The following TBPL2 variants were observed in gnomAD, a reference collection of about 807,000 sequenced individuals.
TBPL2 encodes TATA box-binding protein-like 2.
TBPL2 carries 40 observed loss-of-function variants against 38.2 expected under a neutral mutation model. The observed-to-expected ratio is 1.05, with a 90% confidence interval of 0.81 to 1.36. TBPL2 has a LOEUF of 1.36. Ranked by LOEUF, TBPL2 falls within the 40% of genes most tolerant of loss-of-function variation. The probability of loss-of-function intolerance (pLI) is 0.00; values close to 1 mark genes in which losing one functional copy is unlikely to be tolerated. For synonymous variants in TBPL2, 169 were observed against 171.7 expected, an observed-to-expected ratio of 0.98 and a Z score of 0.12; for missense variants, 461 against 456.7, an observed-to-expected ratio of 1.01 and a Z score of -0.09.
At chr14:55,435,254 T>G (rs2140179030) in intron 3 of TBPL2, among the ~76,000 whole-genome samples, 1 of 152,020 alleles carries the variant, frequency 6.6e-6, no homozygotes, top group East Asian at 1.9e-4. Flanking sequence ...TTTAAGATAG[T>G]TAGCATCCCA....
rs907765747 is a variant in TBPL2 at position 55,439,622 on chromosome 14, C to CG, written c.150+773_150+774insC. ...CCTGGGGAGAAAAGCAAACCCCCCC[C>CG]CGTCTCTACTAAAAAATACAAAAAT... On this transcript the variant is annotated intron_variant, in intron 1 of 6. Coordinates refer to ENST00000247219, the Ensembl canonical transcript of TBPL2. 3.2e-4 allele frequency among the ~76,000 whole-genome samples: 44 copies of CG among 138,232 alleles called. 1 individual carries two copies. Among genetic ancestry groups the CG allele is most frequent in the African/African-American group, 9.2e-4 (35 of 38,044 alleles). 90.7% of individuals were successfully genotyped at this position (138,232 alleles called of 152,430 possible).
At chr14:55,440,367 T>C (rs1886090941) in intron 1 of TBPL2, 29 bp downstream of exon 1, 3 of 1,612,376 alleles carry the variant, frequency 1.9e-6, no homozygotes, top group Middle Eastern at 1.6e-4. Flanking sequence ...ACTTGGGTCC[T>C]GACTCTGGGA....
chr14:55,438,664 A>G (rs140179556), intron 1 of TBPL2: 6 of 152,354 alleles, frequency 3.9e-5, no homozygotes, highest in African/African-American at 1.4e-4. Flanking sequence ...GTTTTATGGT[A>G]ATGGAAACTT....
intron 1 of TBPL2, chr14:55,438,663 T>C (rs941726353): frequency 6.6e-6 from 1 of 152,220 alleles, no homozygotes; most frequent in Non-Finnish European, 1.5e-5. Context: ...TGTTTTATGG[T>C]AATGGAAACT....
intron 6 of TBPL2, among the ~76,000 whole-genome samples, chr14:55,417,138 G>C (rs936002047): frequency 6.6e-6 from 1 of 152,156 alleles, no homozygotes; most frequent in African/African-American, 2.4e-5. Context: ...AGGGAAATTA[G>C]TACAATTTCT....
intron 1 of TBPL2, among the ~76,000 whole-genome samples, chr14:55,437,645 G>A (rs1175442979): frequency 1.3e-5 from 2 of 152,198 alleles, no homozygotes; most frequent in Admixed American, 6.5e-5. Flanking sequence ...GAGCAACCAT[G>A]CTCTAAATTG....
intron 6 of TBPL2, among the ~76,000 whole-genome samples, chr14:55,418,926 A>G (rs538183714): frequency 6.6e-6 from 1 of 152,322 alleles, no homozygotes; most frequent in Non-Finnish European, 1.5e-5. Context: ...GGTCACTTGC[A>G]TTTTGCATAT....
intron 6 of TBPL2, among the ~76,000 whole-genome samples, chr14:55,416,266 A>G (rs529389632): frequency 4.6e-5 from 7 of 152,294 alleles, no homozygotes; most frequent in Non-Finnish European, 8.8e-5. Flanking sequence ...AATATTAAAC[A>G]ATCAGGGATG....
At chr14:55,414,306 G>T in exon 7 of TBPL2, 1 of 1,134,522 alleles carries the variant, frequency 8.8e-7, no homozygotes, top group Non-Finnish European at 1.3e-6. Context: ...AAACGTAGAA[G>T]AATCCAGCTG....
intron 4 of TBPL2, among the ~76,000 whole-genome samples, 192 bp from the exon 5 acceptor site, chr14:55,429,166 T>C (rs1885882624): frequency 6.6e-6 from 1 of 152,254 alleles, no homozygotes; most frequent in Non-Finnish European, 1.5e-5. Flanking sequence ...TGTAAAATTG[T>C]ACAGCTGTTG....
chr14:55,423,200 ATTT>A (rs1485555637), intron 6 of TBPL2, among the ~76,000 whole-genome samples: 1 of 152,204 alleles, frequency 6.6e-6, no homozygotes, highest in Non-Finnish European at 1.5e-5. Context: ...TAGTGAGATA[ATTT>A]TTACATATAC....
Position 55,440,615 on chromosome 14 carries a change from G to A in TBPL2, c.-70C>T. 1 of 1,469,234 alleles carries A rather than the reference G, an allele frequency of 6.8e-7. No homozygotes were observed. Among genetic ancestry groups the A allele is most frequent in the East Asian group, 2.4e-5 (1 of 42,382 alleles). The allele number at this position is 1,469,234 out of a possible 1,614,324, so 91.0% of individuals were successfully genotyped here. ...TTCCTGCAGAGGGCGCGAGAGAAGC[G>A]TTGGGCGATGGGCTTGGAGCGGGAT... On this transcript the variant is annotated 5_prime_UTR_variant, in exon 1 of 7. It adds an upstream start codon to the 5' untranslated region. Coordinates refer to ENST00000247219, the Ensembl canonical transcript of TBPL2.
exon 3 of TBPL2, chr14:55,435,881 G>C: frequency 6.4e-7 from 1 of 1,572,938 alleles, no homozygotes; most frequent in Non-Finnish European, 8.6e-7. Context: ...TGCATGCAAA[G>C]CTATTTTCTT....
At chr14:55,421,069 A>AAG (rs1241879483) in intron 6 of TBPL2, among the ~76,000 whole-genome samples, 2 of 151,700 alleles carry the variant, frequency 1.3e-5, no homozygotes, top group Non-Finnish European at 2.9e-5. Flanking sequence ...TCAAAAAAAA[A>AAG]AAAAAAAAAG....
At chr14:55,427,897 T>C (rs2140172070) in intron 5 of TBPL2, among the ~76,000 whole-genome samples, 1 of 150,422 alleles carries the variant, frequency 6.6e-6, no homozygotes, top group East Asian at 1.9e-4. Context: ...TTTTTTTTTT[T>C]TGAGACGGAG....
intron 4 of TBPL2, among the ~76,000 whole-genome samples, chr14:55,430,105 G>T (rs1885901457): frequency 6.6e-6 from 1 of 152,126 alleles, no homozygotes; most frequent in African/African-American, 2.4e-5. Flanking sequence ...CCTGAGAGGT[G>T]AGGCTTCATT....
chr14:55,436,973 G>A (rs1886025459), exon 2 of TBPL2: 2 of 1,614,054 alleles, frequency 1.2e-6, no homozygotes, highest in Admixed American at 1.7e-5. Context: ...ATATCATAAG[G>A]TACAACTGGG....
chr14:55,414,370 A>G (rs1885637698), exon 7 of TBPL2: 5 of 1,588,538 alleles, frequency 3.1e-6, no homozygotes, highest in Non-Finnish European at 4.3e-6. Flanking sequence ...GAGATGCTGA[A>G]TGATATGCTC....
intron 1 of TBPL2, among the ~76,000 whole-genome samples, chr14:55,440,128 A>ATCAATC (rs749807354): frequency 2.0e-5 from 3 of 151,898 alleles, no homozygotes; most frequent in East Asian, 1.9e-4. Context: ...CAATCAATCA[A>ATCAATC]AAACCAGAAC....
Sources: allele counts gnomAD v4.1 joint callset (sites outside exome capture counted in the v4.1 genomes callset), GRCh38; gene constraint gnomAD v4.1.1; transcripts MANE v1.5; gene names NCBI Gene and HGNC (gene_info 2026-07-23, HGNC 2026-07-21).